The following IQGAP1 variants were observed in gnomAD, a reference collection of about 807,000 sequenced individuals.
IQGAP1 encodes ras GTPase-activating-like protein IQGAP1.
In IQGAP1, 66 loss-of-function variants were observed where a neutral mutation model predicts 215.6. The observed-to-expected ratio is 0.31, with a 90% CI of 0.25 to 0.38. The LOEUF is 0.38. IQGAP1 is among the 10% of genes least tolerant of loss of function. IQGAP1 has a pLI of 1.00. For missense variants in IQGAP1, 1,712 were observed against 1,997.1 expected (o/e 0.86, Z 2.72); for synonymous variants, 772 against 728.7 (o/e 1.06, Z -0.96).
intron 15 of IQGAP1, among the ~76,000 whole-genome samples, chr15:90,458,647 G>A (rs975007228): frequency 6.6e-6 from 1 of 152,174 alleles, no homozygotes; most frequent in Admixed American, 6.5e-5. Flanking sequence ...CTGATGACCA[G>A]CCAAGTTTGG....
rs961203202 is a variant in IQGAP1 at position 90,395,534 on chromosome 15, A to G, written c.155+4661A>G. ...ACGGGGTTTCACCGTGTTAGCCAGGATAGTCTTGATCTCCTGACCTCGTGA... is the reference window on the plus strand; with the variant it reads ...ACGGGGTTTCACCGTGTTAGCCAGGGTAGTCTTGATCTCCTGACCTCGTGA... On this transcript the variant is annotated intron_variant, in intron 2 of 37. Coordinates refer to ENST00000268182, the MANE Select transcript of IQGAP1 (RefSeq NM_003870.4). 1.3e-4 allele frequency among the ~76,000 whole-genome samples: 20 copies of G among 152,084 alleles called. No individual in the cohort carries two copies. In the East Asian group the frequency reaches 1.4e-3, roughly 10 times the overall value.
At position 90,444,284 on chromosome 15, in the gene IQGAP1, TA is replaced by T. The variant is rs1555437796; in HGVS notation, c.913+807del. Among the ~76,000 whole-genome samples the T allele has an allele frequency of 4.8e-3, 523 of 109,804 alleles. 4 individuals are homozygous for T. Among genetic ancestry groups the T allele is most frequent in the South Asian group, 0.018 (63 of 3,560 alleles). 72.0% of individuals were successfully genotyped at this position (109,804 alleles called of 152,430 possible). A position where few individuals can be genotyped will look rare whatever the true frequency, so the allele number is the denominator to read the frequency against. On this transcript the variant is annotated intron_variant, in intron 9 of 37. Coordinates refer to ENST00000268182, the MANE Select transcript of IQGAP1 (RefSeq NM_003870.4). ...GTGTGTGTGTGTGTGTGTGTGTATA[TA>T]TATATTTTTTTTTTTCTTTAAGAGA...
Position 90,443,054 on chromosome 15 carries a change from G to A in IQGAP1, c.829-340G>A, listed in dbSNP as rs188069842. On this transcript the variant is annotated intron_variant, in intron 8 of 37. Transcript: ENST00000268182. ...AACTCACTGCAGCCTTGAACTTCTG[G>A]GGAAAGCAATCTTACTGTCACAGCC... 2.2e-3 allele frequency among the ~76,000 whole-genome samples: 341 copies of A among 152,194 alleles called. 2 individuals are homozygous for A. Among genetic ancestry groups the A allele is most frequent in the Non-Finnish European group, 1.3e-3 (85 of 67,992 alleles).
chr15:90,439,952 T>C (rs1445593220), intron 6 of IQGAP1, among the ~76,000 whole-genome samples: 1 of 152,246 alleles, frequency 6.6e-6, no homozygotes, highest in Non-Finnish European at 1.5e-5. Flanking sequence ...ATTCAAGTCT[T>C]TCAAAGTGGT....
At chr15:90,482,552 A>G (rs2151035675) in intron 28 of IQGAP1, 2 of 441,778 alleles carry the variant, frequency 4.5e-6, no homozygotes, top group East Asian at 1.0e-4. Context: ...TTTTCGCTGT[A>G]GTATTGTTCC....
At chr15:90,432,382 C>T (rs528016508) in intron 4 of IQGAP1, among the ~76,000 whole-genome samples, 2 of 152,196 alleles carry the variant, frequency 1.3e-5, no homozygotes, top group East Asian at 3.9e-4. Context: ...CCCAGCATAC[C>T]TCCCCAGCTC....
At chr15:90,465,065 G>A (rs939765774) in intron 15 of IQGAP1, among the ~76,000 whole-genome samples, 1 of 152,182 alleles carries the variant, frequency 6.6e-6, no homozygotes, top group South Asian at 2.1e-4. Context: ...TGAGGCTTTT[G>A]TTAGCTGTAC....
At chr15:90,397,027 A>G (rs1596246625) in intron 2 of IQGAP1, among the ~76,000 whole-genome samples, 1 of 151,690 alleles carries the variant, frequency 6.6e-6, no homozygotes, top group South Asian at 2.1e-4. Flanking sequence ...TAATTTTTGT[A>G]TTTTTAGTAG....
intron 2 of IQGAP1, among the ~76,000 whole-genome samples, chr15:90,398,033 A>G (rs1391553511): frequency 3.3e-5 from 5 of 151,148 alleles, no homozygotes; most frequent in Admixed American, 2.0e-4. Context: ...ACAGGTGCCT[A>G]CCACCATACC....
intron 2 of IQGAP1, among the ~76,000 whole-genome samples, chr15:90,425,681 G>A (rs1965211439): frequency 6.6e-6 from 1 of 152,164 alleles, no homozygotes; most frequent in African/African-American, 2.4e-5. Flanking sequence ...ATTCACTGTG[G>A]ATTCTGAGTT....
Position 90,476,749 on chromosome 15 carries a change from T to C in IQGAP1, c.2871T>C (p.Gly957=). The C allele has an allele frequency of 6.2e-7, 1 of 1,606,984 alleles. No homozygotes were observed. The highest frequency in any genetic ancestry group is 2.2e-5 in the East Asian group (1 of 44,712). Residue 957 remains glycine (G), a synonymous_variant, in exon 24 of 38, where the codon GGT becomes GGC. Coordinates refer to ENST00000268182, the MANE Select transcript of IQGAP1 (RefSeq NM_003870.4). ...DMMMINKQKG[G]LKALSKEKRE... is the part of the protein sequence containing the mutation. ...TGATGATAAATAAACAGAAGGGAGGTCTCAAGGCTTTGAGCAAGGAGAAGA... is the reference window on the plus strand; with the variant it reads ...TGATGATAAATAAACAGAAGGGAGGCCTCAAGGCTTTGAGCAAGGAGAAGA...
chr15:90,406,152 C>G (rs112236040), intron 2 of IQGAP1, among the ~76,000 whole-genome samples: 123 of 152,240 alleles, frequency 8.1e-4, no homozygotes, highest in African/African-American at 2.8e-3. Context: ...TCTGGCCAAA[C>G]ATTGGACCAG....
Position 90,412,353 on chromosome 15 carries a change from C to T in IQGAP1, c.156-13757C>T, listed in dbSNP as rs73475002. On this transcript the variant is annotated intron_variant, in intron 2 of 37. Coordinates refer to ENST00000268182, the MANE Select transcript of IQGAP1 (RefSeq NM_003870.4). ...GTTCCTTGGCTGGATTACTGCAATA[C>T]TTTCTTTAGTGTCTCCTCACTTCTC... Among the ~76,000 whole-genome samples the T allele has an allele frequency of 5.3e-3, 812 of 152,258 alleles. 11 individuals carry two copies. Among genetic ancestry groups the T allele is most frequent in the African/African-American group, 0.019 (795 of 41,548 alleles).
chr15:90,484,037 A>G (rs1234049837), intron 29 of IQGAP1, among the ~76,000 whole-genome samples, 183 bp from the exon 30 acceptor site: 2 of 152,198 alleles, frequency 1.3e-5, no homozygotes, highest in Non-Finnish European at 2.9e-5. Flanking sequence ...TAGGTGGAGA[A>G]AGAAGTTATT....
intron 33 of IQGAP1, among the ~76,000 whole-genome samples, chr15:90,489,634 G>A (rs1352427771): frequency 6.6e-6 from 1 of 152,170 alleles, no homozygotes; most frequent in Non-Finnish European, 1.5e-5. Flanking sequence ...GATGCCTCTG[G>A]CAAACTCTTG....
At chr15:90,435,288 G>A (rs982330764) in intron 5 of IQGAP1, among the ~76,000 whole-genome samples, 12 of 152,098 alleles carry the variant, frequency 7.9e-5, no homozygotes, top group Non-Finnish European at 1.3e-4. Context: ...ACCATCCTGG[G>A]CAACGTAGCG....
chr15:90,421,920 C>T (rs1015698127), intron 2 of IQGAP1, among the ~76,000 whole-genome samples: 1 of 152,166 alleles, frequency 6.6e-6, no homozygotes, highest in African/African-American at 2.4e-5. Context: ...GTTGGCCTCC[C>T]AAAGTGCTGG....
chr15:90,492,204 C>G (rs1024337287), intron 34 of IQGAP1, among the ~76,000 whole-genome samples: 1 of 152,108 alleles, frequency 6.6e-6, no homozygotes, highest in Non-Finnish European at 1.5e-5. Flanking sequence ...TGGCTCACAT[C>G]TGGAATCTCA....
intron 33 of IQGAP1, among the ~76,000 whole-genome samples, chr15:90,490,174 C>G (rs1596293734): frequency 6.6e-6 from 1 of 152,162 alleles, no homozygotes. Flanking sequence ...GAATATGGCA[C>G]CAGAGCCATG....
Sources: allele counts gnomAD v4.1 joint callset (sites outside exome capture counted in the v4.1 genomes callset), GRCh38; gene constraint gnomAD v4.1.1; transcripts MANE v1.5; gene names NCBI Gene and HGNC (gene_info 2026-07-23, HGNC 2026-07-21).